The following HEATR5B variants were observed in gnomAD, a reference collection of about 807,000 sequenced individuals.
HEATR5B encodes HEAT repeat-containing protein 5B.
HEATR5B carries 156 observed loss-of-function variants against 224.1 expected under a neutral mutation model. That is an observed-to-expected ratio of 0.70 (90% CI 0.61 to 0.80). HEATR5B has a LOEUF of 0.80. Ranked by LOEUF, HEATR5B falls within the 30% of genes least tolerant of loss-of-function variation. The probability of loss-of-function intolerance (pLI) is 0.00; values close to 1 mark genes in which losing one functional copy is unlikely to be tolerated. For missense variants in HEATR5B, 2,323 were observed against 2,535.5 expected (o/e 0.92, Z 1.80); for synonymous variants, 1,027 against 893.0 (o/e 1.15, Z -2.68).
intron 10 of HEATR5B, among the ~76,000 whole-genome samples, chr2:37,063,486 C>G (rs994432840): frequency 6.6e-6 from 1 of 152,034 alleles, no homozygotes; most frequent in Non-Finnish European, 1.5e-5. Flanking sequence ...CCCTAAGGGT[C>G]TCTGGGCAAA....
intron 20 of HEATR5B, 151 bp from the exon 21 acceptor site, chr2:37,038,175 T>C: frequency 2.0e-6 from 1 of 510,672 alleles, no homozygotes; most frequent in Non-Finnish European, 3.2e-6. Context: ...AGTCTCACTC[T>C]GTCGCCCAGG....
chr2:37,076,269 T>C (rs990237787), intron 4 of HEATR5B: 1 of 152,288 alleles, frequency 6.6e-6, no homozygotes, highest in East Asian at 1.9e-4. Context: ...AATTCTTTTT[T>C]AATGAATGAA....
chr2:36,994,459 A>G (rs1666549890), intron 33 of HEATR5B, among the ~76,000 whole-genome samples: 1 of 152,126 alleles, frequency 6.6e-6, no homozygotes, highest in South Asian at 2.1e-4. Context: ...TAATGGAAAT[A>G]CTCTATTATA....
intron 28 of HEATR5B, among the ~76,000 whole-genome samples, chr2:37,007,786 G>T (rs897748596): frequency 9.2e-5 from 14 of 152,154 alleles, no homozygotes; most frequent in Non-Finnish European, 1.3e-4. Flanking sequence ...TGGAATACCT[G>T]TCTCTTCCTC....
chr2:37,022,940 G>C (rs1451493520), intron 24 of HEATR5B, among the ~76,000 whole-genome samples: 1 of 151,948 alleles, frequency 6.6e-6, no homozygotes, highest in Non-Finnish European at 1.5e-5. Context: ...CAAAGAAGTA[G>C]GGAAATATGT....
chr2:37,051,952 C>A (rs1011987121), intron 17 of HEATR5B, among the ~76,000 whole-genome samples: 1 of 152,018 alleles, frequency 6.6e-6, no homozygotes, highest in African/African-American at 2.4e-5. Context: ...GTTGGCCAGG[C>A]TGGTCTCAAA....
chr2:37,035,477 T>C (rs566221252), intron 21 of HEATR5B, among the ~76,000 whole-genome samples: 2 of 152,218 alleles, frequency 1.3e-5, no homozygotes, highest in Non-Finnish European at 2.9e-5. Context: ...CTGGAGATTA[T>C]GGTAAATCTT....
intron 7 of HEATR5B, among the ~76,000 whole-genome samples, chr2:37,069,792 C>T (rs561937198): frequency 2.0e-5 from 3 of 151,868 alleles, no homozygotes; most frequent in Admixed American, 6.6e-5. Flanking sequence ...TTCATTCATT[C>T]GGTAAAAGAA....
intron 33 of HEATR5B, among the ~76,000 whole-genome samples, chr2:36,992,697 A>AT (rs201875493): frequency 6.6e-6 from 1 of 152,172 alleles, no homozygotes; most frequent in Admixed American, 6.5e-5. Context: ...GCTGCAAGCA[A>AT]TTTTTTATCA....
chr2:36,988,655 C>T lies in HEATR5B; in HGVS notation c.5902G>A (p.Glu1968Lys). 1.9e-6 allele frequency: 3 copies of T among 1,612,556 alleles called. No homozygotes were observed. The highest frequency in any genetic ancestry group is 2.5e-6 in the Non-Finnish European group (3 of 1,178,776). ...ATAAGAATATACTTACTGTTTTGTT[C>T]TTCACCAAGAGCAACCAGTGTTTCA... ...VLETLVALGE[E>K]QNRVQLLALL... Residue 1968 changes from glutamate to lysine, a missense_variant, in exon 35 of 36, where the codon GAA (glutamate) becomes AAA (lysine). This residue lies in a region of HEATR5B where 844 missense variants were observed against 812.9 expected (regional missense o/e 1.04). Coordinates refer to ENST00000233099, the MANE Select transcript of HEATR5B (RefSeq NM_019024.3).
intron 12 of HEATR5B, 61 bp from the exon 13 acceptor site, chr2:37,059,048 T>C: frequency 1.0e-6 from 1 of 1,003,220 alleles, no homozygotes; most frequent in Non-Finnish European, 1.5e-6. Context: ...AATTAATTTA[T>C]AAAATTGTAT....
rs191406132 is a variant in HEATR5B at position 36,995,625 on chromosome 2, C to G, written c.5546-4826G>C. On this transcript the variant is annotated intron_variant, in intron 33 of 35. Coordinates refer to ENST00000233099, the MANE Select transcript of HEATR5B (RefSeq NM_019024.3). ...AGGAGAGAAAGTAAAACTTGTAACT[C>G]TACCACCCAGTAATAGTTTAAAAAT... 6.6e-5 allele frequency among the ~76,000 whole-genome samples: 10 copies of G among 152,252 alleles called. No homozygotes were observed. In the East Asian group the frequency reaches 7.7e-4, roughly 12 times the overall value.
chr2:37,013,208 G>C (rs1045302870), intron 27 of HEATR5B, among the ~76,000 whole-genome samples: 1 of 152,278 alleles, frequency 6.6e-6, no homozygotes, highest in Middle Eastern at 3.4e-3. Context: ...TGAATACCAC[G>C]AAAATAGGGA....
At chr2:37,072,773 A>G (rs1405972973) in intron 5 of HEATR5B, among the ~76,000 whole-genome samples, 1 of 152,174 alleles carries the variant, frequency 6.6e-6, no homozygotes, top group South Asian at 2.1e-4. Flanking sequence ...AAGTAAAAAT[A>G]CAAAGTACCA....
intron 15 of HEATR5B, 42 bp from the exon 16 acceptor site, chr2:37,056,657 G>A: frequency 6.6e-7 from 1 of 1,508,798 alleles, no homozygotes; most frequent in Non-Finnish European, 9.0e-7. Flanking sequence ...ATCTACTTTA[G>A]GAAATCTACT....
intron 35 of HEATR5B, among the ~76,000 whole-genome samples, chr2:36,983,782 A>C (rs1029215936): frequency 5.9e-5 from 9 of 152,124 alleles, no homozygotes; most frequent in African/African-American, 2.2e-4. Context: ...AAAATAAAGT[A>C]GAGAATTATA....
intron 15 of HEATR5B, among the ~76,000 whole-genome samples, chr2:37,057,021 A>C (rs1478736285): frequency 6.6e-6 from 1 of 152,198 alleles, no homozygotes; most frequent in Admixed American, 6.5e-5. Flanking sequence ...AAAACAAAAC[A>C]AACTAAAACA....
intron 9 of HEATR5B, among the ~76,000 whole-genome samples, 195 bp from the exon 10 acceptor site, chr2:37,065,185 T>C (rs917560586): frequency 1.3e-5 from 2 of 152,208 alleles, no homozygotes; most frequent in African/African-American, 4.8e-5. Context: ...AGTACAATTA[T>C]ATTCAATATT....
intron 16 of HEATR5B, 128 bp downstream of exon 16, chr2:37,056,312 T>C (rs954996696): frequency 7.0e-6 from 4 of 574,202 alleles, no homozygotes; most frequent in Non-Finnish European, 1.1e-5. Context: ...TTAGTAAATC[T>C]GTAAGAGTAC....
Sources: gnomAD v4.1 joint callset for allele counts (sites outside exome capture counted in the v4.1 genomes callset) on GRCh38, gnomAD v4.1.1 for gene constraint, gnomAD v4.1.1 regional missense constraint, MANE v1.5 for transcripts, NCBI Gene and HGNC (gene_info 2026-07-23, HGNC 2026-07-21) for gene names.